The following CCBE1 variants were observed in gnomAD, a reference collection of about 807,000 sequenced individuals.
CCBE1 encodes the protein collagen and calcium-binding EGF domain-containing protein 1.
CCBE1 carries 37 observed loss-of-function variants against 50.0 expected under a neutral mutation model. The ratio of observed to expected loss-of-function variants is 0.74; its 90% CI spans 0.57 to 0.97. CCBE1 has a LOEUF of 0.97. Ranked by LOEUF, CCBE1 falls within the 50% of genes least tolerant of loss-of-function variation. CCBE1 has a pLI of 0.00. For synonymous variants in CCBE1, 234 were observed against 203.7 expected (o/e 1.15, Z -1.27); for missense variants, 538 against 523.8 (o/e 1.03, Z -0.26).
intron 2 of CCBE1, among the ~76,000 whole-genome samples, chr18:59,608,245 A>G (rs1455467578): frequency 6.6e-6 from 1 of 152,256 alleles, no homozygotes; most frequent in Non-Finnish European, 1.5e-5. Flanking sequence ...CGAGTGTTCA[A>G]TAAGCATTAG....
intron 2 of CCBE1, among the ~76,000 whole-genome samples, chr18:59,569,648 A>C (rs2052880884): frequency 6.7e-6 from 1 of 148,898 alleles, no homozygotes; most frequent in Non-Finnish European, 1.5e-5. Context: ...AAAAAAAAAA[A>C]GAGACAGGGT....
chr18:59,435,869 G>T lies in CCBE1; in HGVS notation c.*39C>A, dbSNP rs1277624025. 7 of 1,560,598 alleles carry T rather than the reference G, an allele frequency of 4.5e-6. No individual in the cohort carries two copies. The highest frequency in any genetic ancestry group is 2.2e-5 in the South Asian group (2 of 89,948). ...TAGATGGTTTAACTGCAGGTGAGTT[G>T]ATCTTTCTCTTCCTTTGGCGTGACG... is the stretch of plus-strand genomic sequence containing the variant. On this transcript the variant is annotated 3_prime_UTR_variant, in exon 11 of 11. Transcript: ENST00000439986.
At chr18:59,452,047 G>A (rs962611902) in intron 6 of CCBE1, among the ~76,000 whole-genome samples, 3 of 152,136 alleles carry the variant, frequency 2.0e-5, no homozygotes, top group African/African-American at 7.2e-5. Context: ...AAAGTGATAG[G>A]TCCTTTAAGT....
Position 59,653,918 on chromosome 18 carries a change from G to A in CCBE1, c.212+42711C>T, listed in dbSNP as rs114660401. Among the ~76,000 whole-genome samples the A allele has an allele frequency of 4.3e-3, 653 of 152,274 alleles. 4 individuals carry two copies. Among genetic ancestry groups the A allele is most frequent in the African/African-American group, 0.015 (624 of 41,560 alleles). On this transcript the variant is annotated intron_variant, in intron 2 of 10. Coordinates refer to ENST00000439986, the MANE Select transcript of CCBE1 (RefSeq NM_133459.4). The stretch of plus-strand genomic sequence containing the variant: ...TTATGGACATATCATAAGCAAAAAT[G>A]TTGGATTAATAAGGAACACTGATAC...
chr18:59,502,556 A>G (rs1913673665), intron 2 of CCBE1, among the ~76,000 whole-genome samples: 1 of 152,162 alleles, frequency 6.6e-6, no homozygotes, highest in African/African-American at 2.4e-5. Context: ...CACACTTTCA[A>G]TTATTTATCT....
intron 2 of CCBE1, among the ~76,000 whole-genome samples, chr18:59,551,324 C>G (rs1414076727): frequency 2.0e-5 from 3 of 152,128 alleles, no homozygotes; most frequent in African/African-American, 7.2e-5. Flanking sequence ...AATGATATAC[C>G]TATTACCTAT....
chr18:59,683,801 C>T (rs557989029), intron 2 of CCBE1, among the ~76,000 whole-genome samples: 1 of 152,238 alleles, frequency 6.6e-6, no homozygotes, highest in South Asian at 2.1e-4. Context: ...TAAACAAAGC[C>T]AGATGGCCAA....
chr18:59,676,399 A>G (rs552747374), intron 2 of CCBE1, among the ~76,000 whole-genome samples: 5 of 152,334 alleles, frequency 3.3e-5, no homozygotes, highest in South Asian at 2.1e-4. Flanking sequence ...CTTAGCCTCA[A>G]TGCCAGCTCT....
At chr18:59,662,600 G>A (rs868344852) in intron 2 of CCBE1, among the ~76,000 whole-genome samples, 19 of 152,270 alleles carry the variant, frequency 1.2e-4, no homozygotes, top group Admixed American at 2.6e-4. Context: ...TGTGATTACT[G>A]CATGATGTAG....
chr18:59,513,596 G>T (rs1050785647), intron 2 of CCBE1, among the ~76,000 whole-genome samples: 1 of 152,236 alleles, frequency 6.6e-6, no homozygotes, highest in Non-Finnish European at 1.5e-5. Context: ...AAGGAAGACA[G>T]GGGTGATCTG....
chr18:59,598,703 C>T (rs77801272), intron 2 of CCBE1, among the ~76,000 whole-genome samples: 2 of 152,204 alleles, frequency 1.3e-5, no homozygotes, highest in African/African-American at 4.8e-5. Flanking sequence ...TGATCCAGAC[C>T]TGGCCAGTCA....
intron 2 of CCBE1, among the ~76,000 whole-genome samples, chr18:59,603,304 T>C (rs1335992415): frequency 6.6e-6 from 1 of 152,212 alleles, no homozygotes; most frequent in Non-Finnish European, 1.5e-5. Context: ...CTAAGTGTTG[T>C]GAGGATTCAT....
intron 2 of CCBE1, among the ~76,000 whole-genome samples, chr18:59,540,269 T>C (rs1363294888): frequency 6.6e-6 from 1 of 152,184 alleles, no homozygotes; most frequent in Non-Finnish European, 1.5e-5. Context: ...GTATTCATAA[T>C]GGATCAAACC....
intron 2 of CCBE1, among the ~76,000 whole-genome samples, chr18:59,508,982 T>G (rs1914013071): frequency 6.6e-6 from 1 of 152,224 alleles, no homozygotes; most frequent in Non-Finnish European, 1.5e-5. Context: ...ATAAGCAGTT[T>G]GTTGCTGGGT....
At chr18:59,454,014 C>A (rs1911062108) in intron 6 of CCBE1, among the ~76,000 whole-genome samples, 1 of 152,044 alleles carries the variant, frequency 6.6e-6, no homozygotes, top group Admixed American at 6.6e-5. Flanking sequence ...CACAAAGTAC[C>A]CACAGGGCTG....
intron 2 of CCBE1, among the ~76,000 whole-genome samples, chr18:59,543,750 G>T (rs1915562149): frequency 6.6e-6 from 1 of 151,010 alleles, no homozygotes; most frequent in Non-Finnish European, 1.5e-5. Context: ...CAGGAGAATG[G>T]CGTGAACCCG....
At chr18:59,518,123 G>T (rs1447756250) in intron 2 of CCBE1, among the ~76,000 whole-genome samples, 2 of 152,158 alleles carry the variant, frequency 1.3e-5, no homozygotes, top group African/African-American at 4.8e-5. Context: ...TCAACACTTT[G>T]TTTCCACCCC....
intron 2 of CCBE1, among the ~76,000 whole-genome samples, chr18:59,670,449 T>C (rs1002983897): frequency 1.3e-5 from 2 of 152,188 alleles, no homozygotes; most frequent in Admixed American, 6.5e-5. Context: ...GGAAGGCATG[T>C]GAGCCTGGAA....
At chr18:59,469,749 C>G (rs1257115369) in intron 3 of CCBE1, 142 bp from the exon 4 acceptor site, 1 of 1,071,728 alleles carries the variant, frequency 9.3e-7, no homozygotes, top group South Asian at 1.3e-5. Flanking sequence ...GGGACAGGAA[C>G]TCTTTAGGGC....
Sources: allele counts gnomAD v4.1 joint callset (sites outside exome capture counted in the v4.1 genomes callset), GRCh38; gene constraint gnomAD v4.1.1; transcripts MANE v1.5; gene names NCBI Gene and HGNC (gene_info 2026-07-23, HGNC 2026-07-21).